Variants in DNA2 observed in about 807,000 individuals in gnomAD.
The protein encoded by DNA2 is DNA replication helicase/nuclease 2.
DNA2 carries 101 observed loss-of-function variants against 119.1 expected under a neutral mutation model. That is an observed-to-expected ratio of 0.85 (90% CI 0.72 to 1.00). DNA2 has a LOEUF of 1.00. DNA2 is among the 50% of genes least tolerant of loss of function. The probability of loss-of-function intolerance (pLI) is 0.00; values close to 1 mark genes in which losing one functional copy is unlikely to be tolerated. For synonymous variants in DNA2, 366 were observed against 424.4 expected (o/e 0.86, Z 1.69); for missense variants, 1,121 against 1,255.5 (o/e 0.89, Z 1.62).
At chr10:68,416,904 A>C (rs1174124371) in intron 19 of DNA2, 49 bp from the exon 20 acceptor site, 1 of 1,526,884 alleles carries the variant, frequency 6.5e-7, no homozygotes, top group African/African-American at 1.4e-5. Flanking sequence ...GAATGGTTAA[A>C]TATATTACAA....
intron 14 of DNA2, among the ~76,000 whole-genome samples, chr10:68,426,967 A>T (rs1216067432): frequency 6.6e-6 from 1 of 152,232 alleles, no homozygotes; most frequent in Non-Finnish European, 1.5e-5. Flanking sequence ...AAGGGCTAGT[A>T]TTAGAATATA....
At position 68,459,263 on chromosome 10, in the gene DNA2, T is replaced by C. The variant is rs1250220339; in HGVS notation, c.588-28A>G. The C allele has an allele frequency of 2.0e-6, 3 of 1,511,430 alleles. No homozygotes were observed. The South Asian group carries it at 3.9e-5, about 20-fold the overall frequency. The allele number at this position is 1,511,430 out of a possible 1,614,324, so 93.6% of individuals were successfully genotyped here. A position where few individuals can be genotyped will look rare whatever the true frequency, so the allele number is the denominator to read the frequency against. On this transcript the variant is annotated intron_variant, in intron 4 of 20. Transcript: ENST00000358410. ...GCCAAAAATATAATAGTAAATAGACTTAGACTTAAGCGGTACCTGCCAAAA... is the reference window on the plus strand; with the variant it reads ...GCCAAAAATATAATAGTAAATAGACCTAGACTTAAGCGGTACCTGCCAAAA...
intron 5 of DNA2, among the ~76,000 whole-genome samples, chr10:68,455,807 C>T (rs1053655441): frequency 6.6e-5 from 10 of 151,494 alleles, no homozygotes; most frequent in East Asian, 1.9e-4. Flanking sequence ...AGCGACAGAG[C>T]GAGACTCCAT....
chr10:68,446,275 C>T (rs1458366931), intron 7 of DNA2, 21 bp downstream of exon 7: 1 of 1,358,652 alleles, frequency 7.4e-7, no homozygotes. Context: ...AGAAGTAAAA[C>T]TAAAAAAAAA....
chr10:68,447,516 CAAAAAAAAA>C (rs1165549043), intron 6 of DNA2, among the ~76,000 whole-genome samples: 9 of 54,746 alleles, frequency 1.6e-4, no homozygotes, highest in African/African-American at 6.2e-4. Flanking sequence ...GACTTCACCT[CAAAAAAAAA>C]AAAAAAAAAA....
rs958708119 is a variant in DNA2 at position 68,459,139 on chromosome 10, G to A, written c.684C>T (p.Asn228=). Residue 228 remains asparagine, a synonymous_variant, in exon 5 of 21, where the codon AAC becomes AAT. Transcript: ENST00000358410. ...CKWAGDFMHK[N]TSTDFPQMQL... ...GCATCTGAGGGAAGTCAGTCGAAGT[G>A]TTTTTATGCATGAAATCTCCTGCCC... 7.5e-6 allele frequency: 12 copies of A among 1,599,858 alleles called. No individual in the cohort carries two copies. Among genetic ancestry groups the A allele is most frequent in the South Asian group, 1.1e-5 (1 of 88,570 alleles).
At chr10:68,445,135 G>A in intron 7 of DNA2, 52 bp from the exon 8 acceptor site, 1 of 1,490,792 alleles carries the variant, frequency 6.7e-7, no homozygotes, top group Non-Finnish European at 9.1e-7. Flanking sequence ...AGTTTATCAT[G>A]TCTTTTTCAC....
chr10:68,432,051 T>G (rs954877139), intron 12 of DNA2, 80 bp from the exon 13 acceptor site: 2 of 1,248,802 alleles, frequency 1.6e-6, no homozygotes, highest in Non-Finnish European at 2.3e-6. Context: ...AGAAAAGCAG[T>G]CTCTATCCAA....
chr10:68,462,226 G>A lies in DNA2; in HGVS notation c.588-2991C>T, dbSNP rs1308227324. On this transcript the variant is annotated intron_variant, in intron 4 of 20. Coordinates refer to ENST00000358410, the MANE Select transcript of DNA2 (RefSeq NM_001080449.3). ...TCTCTACTCACAAACACAAAAATTA[G>A]CCGGGTGTGGTGGCAGGCACCTGTA... 2.6e-5 allele frequency among the ~76,000 whole-genome samples: 4 copies of A among 152,092 alleles called. No individual in the cohort carries two copies. In the East Asian group the frequency reaches 7.8e-4, roughly 30 times the overall value.
chr10:68,443,973 T>C (rs1023056252), intron 8 of DNA2, among the ~76,000 whole-genome samples: 1 of 150,006 alleles, frequency 6.7e-6, no homozygotes, highest in Non-Finnish European at 1.5e-5. Flanking sequence ...AAAAAGTATT[T>C]CGGCATAGTG....
rs932951810 is a variant in DNA2 at position 68,450,396 on chromosome 10, T to C, written c.720-149A>G. On this transcript the variant is annotated intron_variant, in intron 5 of 20. Transcript: ENST00000358410. ...AGCAGTGATTTTCAAACTTGGTCCC[T>C]GGACCAGTAGCATCAGCATCACCTG... The C allele has an allele frequency of 7.6e-6, 5 of 654,066 alleles. No individual in the cohort carries two copies. In the Admixed American group the frequency reaches 1.4e-4, roughly 19 times the overall value. The allele number at this position is 654,066 out of a possible 1,614,324, so 40.5% of individuals were successfully genotyped here. A position where few individuals can be genotyped will look rare whatever the true frequency, so the allele number is the denominator to read the frequency against.
At chr10:68,450,723 T>G (rs181672690) in intron 5 of DNA2, among the ~76,000 whole-genome samples, 1 of 152,214 alleles carries the variant, frequency 6.6e-6, no homozygotes, top group African/African-American at 2.4e-5. Context: ...TCTGAGTATT[T>G]TGATATACAA....
intron 6 of DNA2, among the ~76,000 whole-genome samples, chr10:68,446,861 C>A (rs1040588730): frequency 2.6e-4 from 39 of 150,776 alleles, no homozygotes; most frequent in Admixed American, 8.6e-4. Flanking sequence ...GAGGGTGGTG[C>A]GGGGGGAGAA....
intron 3 of DNA2, 51 bp downstream of exon 3, chr10:68,468,072 T>G (rs2052346947): frequency 1.5e-6 from 2 of 1,300,512 alleles, no homozygotes; most frequent in South Asian, 3.8e-5. Flanking sequence ...GTAAAAGTGC[T>G]CTGTAAAACT....
chr10:68,464,506 C>T (rs1345967021), intron 4 of DNA2, among the ~76,000 whole-genome samples: 1 of 151,276 alleles, frequency 6.6e-6, no homozygotes, highest in African/African-American at 2.4e-5. Context: ...CAGAGCAAGA[C>T]TCCGTCTCGA....
At chr10:68,463,615 G>A (rs1210864854) in intron 4 of DNA2, among the ~76,000 whole-genome samples, 1 of 150,000 alleles carries the variant, frequency 6.7e-6, no homozygotes, top group Admixed American at 6.7e-5. Flanking sequence ...AGCTTGCAGT[G>A]AGCCTAGTGA....
upstream of DNA2, chr10:68,472,078 G>A: frequency 6.3e-7 from 1 of 1,577,320 alleles, no homozygotes; most frequent in Non-Finnish European, 8.6e-7. Flanking sequence ...TCTGTCCCCT[G>A]CCTTTGCTCC....
Position 68,430,636 on chromosome 10 carries a change from A to T in DNA2, c.2008T>A (p.Phe670Ile). ...TLVRILYACG[F>I]SVLLTSYTHS... ...GTATAGCTGGTCAACAAAACGCTAA[A>T]ACCACAGGCGTAGAGAATTCTTACC... Residue 670 changes from phenylalanine (F) to isoleucine (I), a missense_variant, in exon 14 of 21, where the codon TTT becomes ATT. Phe to Ile is a conservative substitution (Grantham distance 21). Coordinates refer to ENST00000358410, the MANE Select transcript of DNA2 (RefSeq NM_001080449.3). 6.2e-7 allele frequency: 1 copy of T among 1,600,136 alleles called. No homozygotes were observed. The highest frequency in any genetic ancestry group is 8.5e-7 in the Non-Finnish European group (1 of 1,173,056).
Position 68,418,669 on chromosome 10 carries a change from A to ATTT in DNA2, c.2967+362_2967+364dup, listed in dbSNP as rs34507769. On this transcript the variant is annotated intron_variant, in intron 19 of 20. Transcript: ENST00000358410. ...CACATGTTCTCAATGTTAAACCGCA[A>ATTT]TTTTTTTTTTTTTTTTTTTTTTGAG... 2.3e-3 allele frequency among the ~76,000 whole-genome samples: 262 copies of ATTT among 113,818 alleles called. 1 individual carries two copies. Among genetic ancestry groups the ATTT allele is most frequent in the African/African-American group, 7.4e-3 (202 of 27,272 alleles). The allele number at this position is 113,818 out of a possible 152,430, so 74.7% of individuals were successfully genotyped here.
Sources: allele counts gnomAD v4.1 joint callset (sites outside exome capture counted in the v4.1 genomes callset), GRCh38; gene constraint gnomAD v4.1.1; transcripts MANE v1.5; gene names NCBI Gene and HGNC (gene_info 2026-07-23, HGNC 2026-07-21).